GRM1: variants seen among roughly 807,000 people sequenced by gnomAD.
GRM1 encodes glutamate metabotropic receptor 1, also known as metabotropic glutamate receptor 1.
Under a neutral mutation model 90.9 loss-of-function variants are expected in GRM1, and 33 were observed. The observed-to-expected ratio is 0.36, with a 90% CI of 0.28 to 0.49. The LOEUF (loss-of-function observed/expected upper bound fraction) is 0.49, where lower values mean the gene tolerates loss of function less well. Ranked by LOEUF, GRM1 falls within the 20% of genes least tolerant of loss-of-function variation. The pLI is 0.99. For missense variants in GRM1, 1,190 were observed against 1,534.3 expected, an observed-to-expected ratio of 0.78 and a Z score of 3.75; for synonymous variants, 700 against 613.2, an observed-to-expected ratio of 1.14 and a Z score of -2.09.
At chr6:146,401,735 A>G (rs1044385821) in intron 7 of GRM1, among the ~76,000 whole-genome samples, 13 of 152,178 alleles carry the variant, frequency 8.5e-5, no homozygotes, top group Non-Finnish European at 1.8e-4. Context: ...ATTTATGGTA[A>G]AGAGAAAACC....
intron 2 of GRM1, among the ~76,000 whole-genome samples, chr6:146,300,639 A>G (rs1205119977): frequency 6.6e-6 from 1 of 152,248 alleles, no homozygotes; most frequent in Non-Finnish European, 1.5e-5. Flanking sequence ...AACGGAACTC[A>G]TAACTGAGAA....
At chr6:146,049,766 TAAC>T (rs899633663) in intron 1 of GRM1, among the ~76,000 whole-genome samples, 14 of 151,804 alleles carry the variant, frequency 9.2e-5, no homozygotes, top group African/African-American at 3.4e-4. Context: ...TATTAAAAAA[TAAC>T]AACGATGGCA....
intron 1 of GRM1, among the ~76,000 whole-genome samples, chr6:146,127,582 A>G (rs1365344943): frequency 6.6e-6 from 1 of 152,212 alleles, no homozygotes; most frequent in Non-Finnish European, 1.5e-5. Context: ...ACAATGAACC[A>G]GAAATATTCT....
At chr6:146,306,031 T>A (rs1199190811) in intron 3 of GRM1, among the ~76,000 whole-genome samples, 1 of 152,188 alleles carries the variant, frequency 6.6e-6, no homozygotes, top group Admixed American at 6.5e-5. Context: ...CAGATACCAA[T>A]ATATGTAAAT....
At chr6:146,425,704 C>T (rs1222511136) in intron 7 of GRM1, among the ~76,000 whole-genome samples, 1 of 152,218 alleles carries the variant, frequency 6.6e-6, no homozygotes, top group East Asian at 1.9e-4. Flanking sequence ...ATAGTTCACC[C>T]TAAGCATCTT....
At chr6:146,038,836 C>T (rs1282243382) in intron 1 of GRM1, among the ~76,000 whole-genome samples, 6 of 151,602 alleles carry the variant, frequency 4.0e-5, no homozygotes, top group Admixed American at 1.3e-4. Flanking sequence ...AAACAAATTG[C>T]TGATAGTATG....
intron 2 of GRM1, among the ~76,000 whole-genome samples, chr6:146,183,934 C>T (rs1434623528): frequency 6.6e-6 from 1 of 152,124 alleles, no homozygotes; most frequent in East Asian, 1.9e-4. Context: ...ATCTCAGGAA[C>T]TACAGCAATA....
At chr6:146,393,513 G>A (rs961710579) in intron 6 of GRM1, among the ~76,000 whole-genome samples, 2 of 151,972 alleles carry the variant, frequency 1.3e-5, no homozygotes, top group Non-Finnish European at 2.9e-5. Flanking sequence ...CTTTTGTTGT[G>A]CAGAAGCTCT....
chr6:146,100,100 A>G (rs1163051382), intron 1 of GRM1, among the ~76,000 whole-genome samples: 1 of 152,072 alleles, frequency 6.6e-6, no homozygotes, highest in Non-Finnish European at 1.5e-5. Flanking sequence ...TTTAATTTCC[A>G]TTTACTCTAT....
intron 3 of GRM1, among the ~76,000 whole-genome samples, chr6:146,350,902 ATCT>A (rs1785381471): frequency 6.6e-6 from 1 of 152,322 alleles, no homozygotes; most frequent in South Asian, 2.1e-4. Flanking sequence ...TTAAAATCTA[ATCT>A]TCTTCCCCTT....
chr6:146,055,144 G>A (rs1048459152), intron 1 of GRM1, among the ~76,000 whole-genome samples: 3 of 152,038 alleles, frequency 2.0e-5, no homozygotes, highest in African/African-American at 7.2e-5. Context: ...TTGAATAAAT[G>A]TATACTTGAA....
At chr6:146,125,504 A>G (rs569796823) in intron 1 of GRM1, among the ~76,000 whole-genome samples, 1 of 140,542 alleles carries the variant, frequency 7.1e-6, no homozygotes, top group East Asian at 2.1e-4. Context: ...ACCCTTGTGT[A>G]CTTTCTCTCC....
At chr6:146,034,326 A>G (rs566084331) in intron 1 of GRM1, among the ~76,000 whole-genome samples, 8 of 152,152 alleles carry the variant, frequency 5.3e-5, no homozygotes, top group Non-Finnish European at 8.8e-5. Context: ...TTTGTAGTGT[A>G]GCTCTCCAGT....
At chr6:146,426,150 A>G (rs996372127) in intron 7 of GRM1, among the ~76,000 whole-genome samples, 3 of 152,130 alleles carry the variant, frequency 2.0e-5, no homozygotes, top group Non-Finnish European at 4.4e-5. Flanking sequence ...TAACAGTGCA[A>G]TTAAAAGTCA....
intron 3 of GRM1, among the ~76,000 whole-genome samples, chr6:146,323,825 C>T (rs914919153): frequency 6.6e-6 from 1 of 152,258 alleles, no homozygotes; most frequent in Non-Finnish European, 1.5e-5. Context: ...GCCTGTTTTC[C>T]CAGCACCATT....
chr6:146,364,826 T>G (rs1336055396), intron 5 of GRM1: 1 of 152,000 alleles, frequency 6.6e-6, no homozygotes, highest in Non-Finnish European at 1.5e-5. Flanking sequence ...CATCAAATTT[T>G]ATACCTTAAT....
chr6:146,140,089 T>TTTTC (rs1412796494), intron 1 of GRM1, among the ~76,000 whole-genome samples: 16 of 64,232 alleles, frequency 2.5e-4, no homozygotes, highest in South Asian at 6.6e-4. Context: ...TTTCTTTCTT[T>TTTTC]ATTCTTTCTT....
intron 3 of GRM1, among the ~76,000 whole-genome samples, chr6:146,329,931 A>G (rs1784529237): frequency 1.3e-5 from 2 of 152,208 alleles, no homozygotes; most frequent in Non-Finnish European, 2.9e-5. Flanking sequence ...GAATGTGTAT[A>G]TCTTAAGTCA....
At chr6:146,103,775 G>C (rs142131601) in intron 1 of GRM1, among the ~76,000 whole-genome samples, 1 of 152,188 alleles carries the variant, frequency 6.6e-6, no homozygotes, top group Admixed American at 6.5e-5. Flanking sequence ...CCTTCTCAGG[G>C]ATGCAGAGAT....
Sources: gnomAD v4.1 joint callset for allele counts (sites outside exome capture counted in the v4.1 genomes callset) on GRCh38, gnomAD v4.1.1 for gene constraint, MANE v1.5 for transcripts, NCBI Gene and HGNC (gene_info 2026-07-23, HGNC 2026-07-21) for gene names.